The following RASL11A variants were observed in gnomAD, a reference collection of about 807,000 sequenced individuals.
The protein encoded by RASL11A is RAS like family 11 member A, also known as ras-like protein family member 11A.
RASL11A carries 14 observed loss-of-function variants against 17.1 expected under a neutral mutation model. The observed-to-expected ratio is 0.82, with a 90% confidence interval of 0.54 to 1.28. RASL11A has a LOEUF of 1.28. Among genes scored for constraint, RASL11A ranks in the 50% most tolerant of loss-of-function variants. The pLI is 0.00. For missense variants in RASL11A, 283 were observed against 312.3 expected (o/e 0.91, Z 0.71); for synonymous variants, 146 against 132.5 (o/e 1.10, Z -0.70).
intron 1 of RASL11A, 183 bp downstream of exon 1, chr13:27,271,251 C>G (rs1184047875): frequency 5.5e-6 from 8 of 1,446,422 alleles, no homozygotes; most frequent in Non-Finnish European, 7.2e-6. Context: ...TTTCCTGGTG[C>G]ATCTACTCCT....
Position 27,270,966 on chromosome 13 carries a change from G to A in RASL11A, c.22G>A (p.Gly8Arg). MRPLSMS[G>R]HFLLAPIPES... ...CTCCATGCGGCCGCTCAGCATGTCC[G>A]GGCACTTTCTGCTCGCACCCATCCC... The change falls in exon 1 of 4, where the codon GGG (glycine) becomes AGG (arginine). Residue 8 changes from glycine (G) to arginine (R), a missense_variant. Gly to Arg is a moderately radical substitution (Grantham distance 125). Coordinates refer to ENST00000241463, the MANE Select transcript of RASL11A (RefSeq NM_206827.2). The A allele has an allele frequency of 6.3e-7, 1 of 1,597,006 alleles. No individual in the cohort carries two copies. The highest frequency in any genetic ancestry group is 8.5e-7 in the Non-Finnish European group (1 of 1,172,452).
rs1882420545 is a variant in RASL11A, at chr13:27,274,541, C to T, written c.*1047C>T. On this transcript the variant is annotated 3_prime_UTR_variant, in exon 4 of 4. Transcript: ENST00000241463. ...TTGTCTTTCTCAGCTGCTCCAGGCTCTTTCATGTCTTCCTGCCTTGGCACA... is the reference window on the plus strand; with the variant it reads ...TTGTCTTTCTCAGCTGCTCCAGGCTTTTTCATGTCTTCCTGCCTTGGCACA... Among the ~76,000 whole-genome samples the T allele has an allele frequency of 1.3e-5, 2 of 152,192 alleles. No homozygotes were observed. The highest frequency in any genetic ancestry group is 4.1e-4 in the South Asian group (2 of 4,826).
chr13:27,271,558 C>T lies in RASL11A; in HGVS notation c.181+18C>T, dbSNP rs1201251145. On this transcript the variant is annotated intron_variant, in intron 2 of 3. Transcript: ENST00000241463. ...GAATACAGGTGAGAATACTTTCACG[C>T]TCCCTGCTTTTATGCTTGCGTGTTT... 2 of 1,613,746 alleles carry T rather than the reference C, an allele frequency of 1.2e-6. No homozygotes were observed. Among genetic ancestry groups the T allele is most frequent in the Non-Finnish European group, 8.5e-7 (1 of 1,179,692 alleles).
intron 3 of RASL11A, 54 bp downstream of exon 3, chr13:27,271,772 G>A (rs1334434935): frequency 1.4e-6 from 2 of 1,465,174 alleles, no homozygotes; most frequent in Non-Finnish European, 1.9e-6. Context: ...CCACCCCAGT[G>A]GGCACAGCAC....
chr13:27,272,213 C>T (rs1223261068), intron 3 of RASL11A, among the ~76,000 whole-genome samples: 3 of 152,172 alleles, frequency 2.0e-5, no homozygotes, highest in Non-Finnish European at 4.4e-5. Flanking sequence ...CTCCTAGGTT[C>T]CAGCGATTCT....
Position 27,271,083 on chromosome 13 carries a change from G to A in RASL11A, c.124+15G>A, listed in dbSNP as rs1373370204. On this transcript the variant is annotated intron_variant, in intron 1 of 3. Coordinates refer to ENST00000241463, the MANE Select transcript of RASL11A (RefSeq NM_206827.2). ...GGGCAAGAGCGGTGAGTGCGGCGGG[G>A]ACCCCCGGGCGGCTTCGCTCCCCGG... 1 of 1,553,386 alleles carries A rather than the reference G, an allele frequency of 6.4e-7. No homozygotes were observed. Among genetic ancestry groups the A allele is most frequent in the Non-Finnish European group, 8.7e-7 (1 of 1,148,664 alleles).
In RASL11A at chr13:27,274,039, C is replaced by A. The variant is rs1053590845; in HGVS notation, c.*545C>A. 6.6e-6 allele frequency among the ~76,000 whole-genome samples: 1 copy of A among 152,228 alleles called. No homozygotes were observed. Among genetic ancestry groups the A allele is most frequent in the Non-Finnish European group, 1.5e-5 (1 of 68,008 alleles). ...GAAGGGGTACAATGCTAAAACGTTA[C>A]AAGCCATGAGTAACATTTATTGGTG... On this transcript the variant is annotated 3_prime_UTR_variant, in exon 4 of 4. Coordinates refer to ENST00000241463, the MANE Select transcript of RASL11A (RefSeq NM_206827.2).
chr13:27,271,580 G>A (rs1882290598), intron 2 of RASL11A, 40 bp downstream of exon 2: 2 of 1,613,642 alleles, frequency 1.2e-6, no homozygotes, highest in Non-Finnish European at 1.7e-6. Flanking sequence ...ATGCTTGCGT[G>A]TTTCTTTTTA....
intron 3 of RASL11A, among the ~76,000 whole-genome samples, chr13:27,272,072 C>CA (rs1882309889): frequency 1.3e-5 from 2 of 152,128 alleles, no homozygotes; most frequent in South Asian, 2.1e-4. Context: ...CAAAACAAAA[C>CA]AAAAAAAGAG....
rs761092958 is a variant in RASL11A, at chr13:27,270,982, C to T, written c.38C>T (p.Ala13Val). The change falls in exon 1 of 4, where the codon GCA (alanine) becomes GTA (valine). Residue 13 changes from alanine to valine, a missense_variant. By Grantham distance (64) the Ala-to-Val change is moderately conservative. Transcript: ENST00000241463. Reference protein sequence around the residue: ...PLSMSGHFLLAPIPESSSDYL... With the variant: ...PLSMSGHFLLVPIPESSSDYL... ...AGCATGTCCGGGCACTTTCTGCTCGCACCCATCCCCGAGTCCTCCTCGGAC... is the reference window on the plus strand; with the variant it reads ...AGCATGTCCGGGCACTTTCTGCTCGTACCCATCCCCGAGTCCTCCTCGGAC... The T allele has an allele frequency of 6.3e-7, 1 of 1,596,916 alleles. No homozygotes were observed. Among genetic ancestry groups the T allele is most frequent in the Admixed American group, 1.7e-5 (1 of 58,370 alleles).
In RASL11A at chr13:27,270,998, C is replaced by G. The variant is rs1422714313; in HGVS notation, c.54C>G (p.Ser18=). ...GHFLLAPIPE[S]SSDYLLPKDI... ...TTCTGCTCGCACCCATCCCCGAGTC[C>G]TCCTCGGACTACCTACTGCCCAAGG... The change falls in exon 1 of 4, where the codon TCC becomes TCG. Residue 18 remains serine (S), a synonymous_variant. Coordinates refer to ENST00000241463, the MANE Select transcript of RASL11A (RefSeq NM_206827.2). 6.3e-7 allele frequency: 1 copy of G among 1,594,198 alleles called. No individual in the cohort carries two copies. The highest frequency in any genetic ancestry group is 1.1e-5 in the South Asian group (1 of 87,780).
rs1255916493 is a variant in RASL11A at position 27,273,384 on chromosome 13, A to G, written c.619A>G (p.Arg207Gly). 3 of 1,614,218 alleles carry G rather than the reference A, an allele frequency of 1.9e-6. No individual in the cohort carries two copies. The highest frequency in any genetic ancestry group is 3.3e-5 in the Admixed American group (2 of 60,026). ...SKMHGLSGER[R>G]RASIIPRPRS... The stretch of plus-strand genomic sequence containing the variant: ...GATGCACGGCCTCAGTGGGGAAAGA[A>G]GAAGAGCCTCCATCATCCCTCGGCC... The change falls in exon 4 of 4, where the codon AGA becomes GGA. Residue 207 changes from arginine (R) to glycine (G), a missense_variant. Coordinates refer to ENST00000241463, the MANE Select transcript of RASL11A (RefSeq NM_206827.2).
intron 1 of RASL11A, 32 bp downstream of exon 1, chr13:27,271,100 G>T (rs771222199): frequency 1.9e-6 from 3 of 1,539,936 alleles, no homozygotes; most frequent in Non-Finnish European, 2.6e-6. Context: ...GGGCGGCTTC[G>T]CTCCCCGGCT....
At position 27,270,900 on chromosome 13, in the gene RASL11A, G is replaced by A; in HGVS notation, c.-45G>A. The A allele has an allele frequency of 6.4e-7, 1 of 1,551,294 alleles. No homozygotes were observed. On this transcript the variant is annotated 5_prime_UTR_variant, in exon 1 of 4. Coordinates refer to ENST00000241463, the MANE Select transcript of RASL11A (RefSeq NM_206827.2). ...GGCGAGCCGGCTCCGGGTGCGGCGA[G>A]GCCCAGCCCTCTCGGATTGCGCGCC...
At chr13:27,272,375 C>G (rs1296478940) in intron 3 of RASL11A, among the ~76,000 whole-genome samples, 1 of 152,140 alleles carries the variant, frequency 6.6e-6, no homozygotes. Flanking sequence ...TCAAGTGATC[C>G]GCCCACCTCG....
chr13:27,273,208 A>T lies in RASL11A; in HGVS notation c.443A>T (p.Lys148Met). ...GCCCCTGTCATCATCGTGGGCAACA[A>T]GGGGGACCTTTTGCATGCCCGGCAG... ...SKAPVIIVGN[K>M]GDLLHARQVQ... The change falls in exon 4 of 4, where the codon AAG becomes ATG. Residue 148 changes from lysine to methionine, a missense_variant. Coordinates refer to ENST00000241463, the MANE Select transcript of RASL11A (RefSeq NM_206827.2). 6.2e-7 allele frequency: 1 copy of T among 1,614,218 alleles called. No homozygotes were observed. Among genetic ancestry groups the T allele is most frequent in the Non-Finnish European group, 8.5e-7 (1 of 1,180,032 alleles).
chr13:27,273,523 T>C lies in RASL11A; in HGVS notation c.*29T>C. On this transcript the variant is annotated 3_prime_UTR_variant, in exon 4 of 4. Transcript: ENST00000241463. ...ATCTCAGACAGATGCCTCTCCTTTT[T>C]AATACGCATTTGTGCAGCTAAAAGA... 1 of 1,538,760 alleles carries C rather than the reference T, an allele frequency of 6.5e-7. No homozygotes were observed. The highest frequency in any genetic ancestry group is 1.4e-5 in the African/African-American group (1 of 73,002).
In RASL11A at chr13:27,271,084, A is replaced by C; in HGVS notation, c.124+16A>C. 3 of 1,549,836 alleles carry C rather than the reference A, an allele frequency of 1.9e-6. No individual in the cohort carries two copies. Among genetic ancestry groups the C allele is most frequent in the Non-Finnish European group, 8.7e-7 (1 of 1,147,164 alleles). On this transcript the variant is annotated intron_variant, in intron 1 of 3. Transcript: ENST00000241463. Reference sequence around the variant, plus strand: ...GGCAAGAGCGGTGAGTGCGGCGGGGACCCCCGGGCGGCTTCGCTCCCCGGC... The same window carrying C: ...GGCAAGAGCGGTGAGTGCGGCGGGGCCCCCCGGGCGGCTTCGCTCCCCGGC...
At chr13:27,272,201 G>T (rs1057176046) in intron 3 of RASL11A, among the ~76,000 whole-genome samples, 1 of 152,222 alleles carries the variant, frequency 6.6e-6, no homozygotes, top group African/African-American at 2.4e-5. Context: ...TGCAACTTCC[G>T]CCTCCTAGGT....
Sources: gnomAD v4.1 joint callset for allele counts (sites outside exome capture counted in the v4.1 genomes callset) on GRCh38, gnomAD v4.1.1 for gene constraint, MANE v1.5 for transcripts, NCBI Gene and HGNC (gene_info 2026-07-23, HGNC 2026-07-21) for gene names.